Variants in SMYD4 observed in about 807,000 individuals in gnomAD.
The protein encoded by SMYD4 is SET and MYND domain containing 4, also known as protein-lysine N-methyltransferase SMYD4.
SMYD4 carries 68 observed loss-of-function variants against 72.8 expected under a neutral mutation model. That is an observed-to-expected ratio of 0.93 (90% CI 0.77 to 1.14). The LOEUF is 1.14. Ranked by LOEUF, SMYD4 falls within the 50% of genes most tolerant of loss-of-function variation. SMYD4 has a pLI of 0.00. For missense variants in SMYD4, 984 were observed against 1,003.7 expected, an observed-to-expected ratio of 0.98 and a Z score of 0.27; for synonymous variants, 407 against 388.6, an observed-to-expected ratio of 1.05 and a Z score of -0.56.
Position 1,781,313 on chromosome 17 carries a change from T to C in SMYD4, c.2388A>G (p.Pro796=). The change falls in exon 11 of 11, where the codon CCA becomes CCG. Residue 796 remains proline, a synonymous_variant. Transcript: ENST00000305513. ...QKMKSCLLDL[P]PTPVGPAL ...ACAATGCAGGCCCTACAGGGGTGGG[T>C]GGTAAGTCCAACAAACAGGATTTCA... 1 of 1,613,446 alleles carries C rather than the reference T, an allele frequency of 6.2e-7. No homozygotes were observed. Among genetic ancestry groups the C allele is most frequent in the Non-Finnish European group, 8.5e-7 (1 of 1,180,012 alleles).
chr17:1,817,079 C>CT (rs1369493837), intron 2 of SMYD4, among the ~76,000 whole-genome samples: 1 of 145,308 alleles, frequency 6.9e-6, no homozygotes, highest in Non-Finnish European at 1.5e-5. Flanking sequence ...CAGTCTCACT[C>CT]TGTCGCCCAG....
chr17:1,818,851 T>C (rs1910760980), intron 2 of SMYD4, among the ~76,000 whole-genome samples: 1 of 151,994 alleles, frequency 6.6e-6, no homozygotes, highest in Admixed American at 6.6e-5. Context: ...TCTCGCTATG[T>C]TGCCCAGGCT....
chr17:1,789,483 G>A (rs1458704716), intron 5 of SMYD4, among the ~76,000 whole-genome samples: 2 of 151,982 alleles, frequency 1.3e-5, no homozygotes, highest in African/African-American at 4.8e-5. Context: ...TGTTTTATAG[G>A]CCAGGTGCAG....
chr17:1,783,664 T>G, intron 8 of SMYD4, 188 bp from the exon 9 acceptor site: 1 of 1,074,428 alleles, frequency 9.3e-7, no homozygotes, highest in Non-Finnish European at 1.3e-6. Flanking sequence ...TCTCTGTCAG[T>G]GGAGAAAGGC....
At chr17:1,815,749 G>A (rs1040981812) in intron 2 of SMYD4, among the ~76,000 whole-genome samples, 3 of 151,662 alleles carry the variant, frequency 2.0e-5, no homozygotes, top group African/African-American at 7.3e-5. Flanking sequence ...ACCGAGGCTG[G>A]AGTGCAATGG....
At chr17:1,790,615 CA>C (rs1908968180) in intron 5 of SMYD4, among the ~76,000 whole-genome samples, 1 of 152,048 alleles carries the variant, frequency 6.6e-6, no homozygotes, top group South Asian at 2.1e-4. Context: ...CTCCTGGGTT[CA>C]AGCGATTCTC....
chr17:1,788,723 C>G (rs1411260480), intron 5 of SMYD4, among the ~76,000 whole-genome samples: 1 of 151,358 alleles, frequency 6.6e-6, no homozygotes, highest in Non-Finnish European at 1.5e-5. Context: ...GCCTAGACAA[C>G]AAGAGTGAGA....
rs777761760 is a variant in SMYD4, at chr17:1,783,115, GTA to G, written c.2179_2180del (p.Tyr727ArgfsTer12). On this transcript the variant is annotated frameshift_variant, in exon 10 of 11. Coordinates refer to ENST00000305513, the MANE Select transcript of SMYD4 (RefSeq NM_052928.3). LOFTEE classifies it high-confidence loss of function. Reference protein sequence around the residue: ...KSATHLQRSLYVVEVRHGPSS... With the variant: ...KSATHLQRSLXVVEVRHGPSS... ...ACGGCCCGTGGCGAACCTCCACCACGTAGAGACTCCTCTGTAGATGGGTGGCT... is the reference window on the plus strand; with the variant it reads ...ACGGCCCGTGGCGAACCTCCACCACGGAGACTCCTCTGTAGATGGGTGGCT... 4.3e-6 allele frequency: 7 copies of G among 1,614,036 alleles called. No individual in the cohort carries two copies. The highest frequency in any genetic ancestry group is 5.9e-6 in the Non-Finnish European group (7 of 1,180,040).
chr17:1,810,712 G>A (rs1468542802), intron 3 of SMYD4, among the ~76,000 whole-genome samples: 2 of 152,146 alleles, frequency 1.3e-5, no homozygotes, highest in Non-Finnish European at 2.9e-5. Flanking sequence ...GGTTTGCCAC[G>A]CCCCCCAGCC....
intron 3 of SMYD4, among the ~76,000 whole-genome samples, chr17:1,809,117 T>A (rs1257702988): frequency 1.3e-5 from 2 of 152,202 alleles, no homozygotes; most frequent in East Asian, 3.9e-4. Flanking sequence ...GCTCAGGCAA[T>A]CCTCCCGCCT....
intron 2 of SMYD4, 25 bp from the exon 3 acceptor site, chr17:1,812,140 A>G: frequency 6.2e-7 from 1 of 1,607,794 alleles, no homozygotes; most frequent in Non-Finnish European, 8.5e-7. Context: ...GAGGAAACAA[A>G]GTAAGCAGAA....
intron 1 of SMYD4, among the ~76,000 whole-genome samples, chr17:1,828,636 C>A (rs1911336178): frequency 6.9e-6 from 1 of 145,322 alleles, no homozygotes; most frequent in African/African-American, 2.5e-5. Flanking sequence ...CTTGCTCTGT[C>A]ACCCAGGCTG....
chr17:1,786,862 G>C lies in SMYD4; in HGVS notation c.1832C>G (p.Ala611Gly), dbSNP rs769115619. 2 of 1,614,168 alleles carry C rather than the reference G, an allele frequency of 1.2e-6. No homozygotes were observed. The highest frequency in any genetic ancestry group is 1.7e-6 in the Non-Finnish European group (2 of 1,180,006). Residue 611 changes from alanine to glycine, a missense_variant, in exon 7 of 11, where the codon GCA becomes GGA. Ala to Gly is a moderately conservative substitution (Grantham distance 60). Transcript: ENST00000305513. The part of the protein sequence containing the change: ...ACQTEAHRMA[A>G]GPRWEAFCCN... Reference sequence around the variant, plus strand: ...ACAGAATGCTTCCCACCTGGGCCCTGCAGCCATCCTGTGTGCCTCAGTTTG... The same window carrying C: ...ACAGAATGCTTCCCACCTGGGCCCTCCAGCCATCCTGTGTGCCTCAGTTTG...
At chr17:1,783,273 G>T in intron 9 of SMYD4, 87 bp downstream of exon 9, 3 of 1,610,362 alleles carry the variant, frequency 1.9e-6, no homozygotes, top group Admixed American at 3.3e-5. Context: ...ACAGAGCGGG[G>T]GGTAACCAGG....
chr17:1,818,098 C>G (rs560496818), intron 2 of SMYD4, among the ~76,000 whole-genome samples: 1 of 149,580 alleles, frequency 6.7e-6, no homozygotes, highest in South Asian at 2.1e-4. Context: ...AACTTTAGGT[C>G]TCTGATCCAT....
intron 4 of SMYD4, 108 bp from the exon 5 acceptor site, chr17:1,801,132 G>A: frequency 3.9e-6 from 4 of 1,018,558 alleles, no homozygotes; most frequent in Non-Finnish European, 5.8e-6. Context: ...TTAAAAAATG[G>A]AACAATTACA....
chr17:1,816,230 A>G (rs1003392725), intron 2 of SMYD4, among the ~76,000 whole-genome samples: 1 of 152,164 alleles, frequency 6.6e-6, no homozygotes, highest in African/African-American at 2.4e-5. Flanking sequence ...GTAATCATAC[A>G]TTACTTTTCC....
intron 2 of SMYD4, among the ~76,000 whole-genome samples, chr17:1,818,826 A>G (rs1910760232): frequency 6.6e-6 from 1 of 151,098 alleles, no homozygotes; most frequent in African/African-American, 2.5e-5. Flanking sequence ...TTATTTTTAT[A>G]AAATAGAGAT....
intron 2 of SMYD4, among the ~76,000 whole-genome samples, chr17:1,819,132 G>A (rs911323988): frequency 2.0e-5 from 3 of 151,956 alleles, no homozygotes; most frequent in South Asian, 2.1e-4. Context: ...CGAGGCAGGC[G>A]AATCACCTGA....
Sources: allele counts gnomAD v4.1 joint callset (sites outside exome capture counted in the v4.1 genomes callset), GRCh38; gene constraint gnomAD v4.1.1; transcripts MANE v1.5; gene names NCBI Gene and HGNC (gene_info 2026-07-23, HGNC 2026-07-21).